The following KIFC3 variants were observed in gnomAD, a reference collection of about 807,000 sequenced individuals.
The protein encoded by KIFC3 is kinesin family member C3, also known as kinesin-like protein KIFC3.
Under a neutral mutation model 101.8 loss-of-function variants are expected in KIFC3, and 60 were observed. The observed-to-expected ratio is 0.59, with a 90% CI of 0.48 to 0.73. The LOEUF (loss-of-function observed/expected upper bound fraction) is 0.73. Among genes scored for constraint, KIFC3 ranks in the 30% least tolerant of loss-of-function variants. The pLI, the probability that KIFC3 is intolerant of heterozygous loss-of-function variation, is 0.00. For synonymous variants in KIFC3, 476 were observed against 482.7 expected, an observed-to-expected ratio of 0.99 and a Z score of 0.18; for missense variants, 966 against 1,137.1, an observed-to-expected ratio of 0.85 and a Z score of 2.16.
intron 1 of KIFC3, among the ~76,000 whole-genome samples, chr16:57,831,531 T>A (rs564046509): frequency 6.6e-6 from 1 of 152,262 alleles, no homozygotes; most frequent in Non-Finnish European, 1.5e-5. Context: ...ACAAAAATAC[T>A]GTTTTTTAAT....
At chr16:57,791,751 G>C (rs1479051284) in intron 3 of KIFC3, among the ~76,000 whole-genome samples, 1 of 152,216 alleles carries the variant, frequency 6.6e-6, no homozygotes. Flanking sequence ...ACTCGAGGCT[G>C]TGGGTTTCTG....
At chr16:57,796,503 A>C (rs1023475170) in intron 2 of KIFC3, among the ~76,000 whole-genome samples, 4 of 152,280 alleles carry the variant, frequency 2.6e-5, no homozygotes, top group Admixed American at 6.5e-5. Flanking sequence ...CTGCCAGCCA[A>C]TTCTCAGGGT....
chr16:57,820,884 G>T (rs62039938), intron 1 of KIFC3, among the ~76,000 whole-genome samples: 19,009 of 152,122 alleles, frequency 0.12, 1,296 homozygotes, highest in South Asian at 0.18. Flanking sequence ...ACTATGGGAG[G>T]CTGAGGCAGC....
chr16:57,780,867 G>T (rs1229103317), intron 3 of KIFC3, among the ~76,000 whole-genome samples: 1 of 151,748 alleles, frequency 6.6e-6, no homozygotes, highest in African/African-American at 2.4e-5. Context: ...TAGAGACGGG[G>T]TTTCACCATG....
chr16:57,810,626 A>G, intron 1 of KIFC3: 1 of 985,230 alleles, frequency 1.0e-6, no homozygotes, highest in Non-Finnish European at 1.2e-6. Flanking sequence ...TCCACCCCAG[A>G]CAACCAGAAT....
intron 1 of KIFC3, among the ~76,000 whole-genome samples, chr16:57,858,694 C>T (rs1653226868): frequency 6.6e-6 from 1 of 152,128 alleles, no homozygotes; most frequent in Non-Finnish European, 1.5e-5. Flanking sequence ...CACCTGTCAT[C>T]CCAGCACTTT....
At chr16:57,827,584 C>T (rs972687653) in intron 1 of KIFC3, among the ~76,000 whole-genome samples, 8 of 152,202 alleles carry the variant, frequency 5.3e-5, no homozygotes, top group African/African-American at 1.2e-4. Context: ...CGACACATCA[C>T]GACCATTTTC....
At chr16:57,781,558 C>T (rs1289820800) in intron 3 of KIFC3, among the ~76,000 whole-genome samples, 1 of 152,156 alleles carries the variant, frequency 6.6e-6, no homozygotes, top group African/African-American at 2.4e-5. Flanking sequence ...TGCTCAAGGA[C>T]TATGGGCCAT....
intron 1 of KIFC3, among the ~76,000 whole-genome samples, chr16:57,814,830 C>T (rs2055183175): frequency 6.6e-6 from 1 of 152,146 alleles, no homozygotes; most frequent in African/African-American, 2.4e-5. Flanking sequence ...CCATGTTGCC[C>T]AGGCTGATCT....
At chr16:57,834,854 A>G (rs1447175169) in intron 1 of KIFC3, among the ~76,000 whole-genome samples, 1 of 152,154 alleles carries the variant, frequency 6.6e-6, no homozygotes, top group East Asian at 1.9e-4. Flanking sequence ...AGTGTTACCT[A>G]TTGGTGTCTC....
chr16:57,761,051 G>A lies in KIFC3; in HGVS notation c.1993C>T (p.Arg665Cys), dbSNP rs782260773. ...VRGVDCSTGL[R>C]TTGKLNLVDL... ...TGCCTGCCACTCTCACCCGTGGTGC[G>A]GAGGCCTGTGCTGCAGTCCACGCCT... The change falls in exon 15 of 20, where the codon CGC (arginine) becomes TGC (cysteine). Residue 665 changes from arginine to cysteine, a missense_variant. This residue lies in a region of KIFC3 where 689 missense variants were observed against 884.6 expected (regional missense o/e 0.78). Transcript: ENST00000445690. The A allele has an allele frequency of 1.7e-5, 27 of 1,609,892 alleles. No individual in the cohort carries two copies. Among genetic ancestry groups the A allele is most frequent in the Admixed American group, 8.3e-5 (5 of 59,890 alleles).
chr16:57,846,508 C>T (rs563044853), intron 1 of KIFC3: 1 of 152,272 alleles, frequency 6.6e-6, no homozygotes, highest in Non-Finnish European at 1.5e-5. Flanking sequence ...AACCCAGCCA[C>T]CTGGGCGGAG....
Position 57,795,243 on chromosome 16 carries a change from C to T in KIFC3, c.173-102G>A, listed in dbSNP as rs577691941. The T allele has an allele frequency of 3.6e-5, 51 of 1,406,058 alleles. No homozygotes were observed. The African/African-American group carries it at 4.0e-4, about 11-fold the overall frequency. 87.1% of individuals were successfully genotyped at this position (1,406,058 alleles called of 1,614,324 possible). On this transcript the variant is annotated intron_variant, in intron 2 of 19. Transcript: ENST00000445690. ...GCCGCAGCTGAGCTCAGCTTTCACA[C>T]ATCCCTGGCTGGTCCAGATGTGGCC...
chr16:57,852,616 C>A (rs1355200789), intron 1 of KIFC3, among the ~76,000 whole-genome samples: 1 of 152,154 alleles, frequency 6.6e-6, no homozygotes, highest in Non-Finnish European at 1.5e-5. Flanking sequence ...CCTTTACAAT[C>A]ATTTCATTTG....
At chr16:57,857,391 CTTTCTT>C (rs1567346733) in intron 1 of KIFC3, among the ~76,000 whole-genome samples, 2 of 81,026 alleles carry the variant, frequency 2.5e-5, no homozygotes, top group African/African-American at 8.1e-5. Context: ...CCCCTAAAAC[CTTTCTT>C]TTTTTTTTTT....
At chr16:57,776,268 G>A (rs147063953) in intron 3 of KIFC3, 198 of 985,484 alleles carry the variant, frequency 2.0e-4, no homozygotes, top group Middle Eastern at 1.0e-3. Flanking sequence ...AGAGGCCAGC[G>A]GGGCGGCCCT....
intron 1 of KIFC3, among the ~76,000 whole-genome samples, chr16:57,825,712 C>T (rs1371706322): frequency 2.0e-5 from 3 of 152,184 alleles, no homozygotes; most frequent in African/African-American, 7.2e-5. Context: ...AGGTCTCACT[C>T]TGTCGCCCAG....
At chr16:57,859,396 C>T (rs1031729871) in intron 1 of KIFC3, among the ~76,000 whole-genome samples, 13 of 152,176 alleles carry the variant, frequency 8.5e-5, no homozygotes, top group Admixed American at 4.6e-4. Flanking sequence ...GATAAGGCTA[C>T]GTTCCTCACC....
rs1053511205 is a variant in KIFC3 at position 57,766,881 on chromosome 16, C to T, written c.1323G>A (p.Arg441=). 4 of 1,608,116 alleles carry T rather than the reference C, an allele frequency of 2.5e-6. No individual in the cohort carries two copies. Among genetic ancestry groups the T allele is most frequent in the Non-Finnish European group, 3.4e-6 (4 of 1,179,270 alleles). ...CAGCCCTCCTGCAGTCACCTTTCAG[C>T]CGCACGAGCTCATTGTGGCACTTCT... ...LRKKCHNELV[R]LKGNIRVIAR... Residue 441 remains arginine (R), a synonymous_variant, in exon 10 of 20, where the codon CGG becomes CGA. Transcript: ENST00000445690.
Sources: gnomAD v4.1 joint callset for allele counts (sites outside exome capture counted in the v4.1 genomes callset) on GRCh38, gnomAD v4.1.1 for gene constraint, gnomAD v4.1.1 regional missense constraint, MANE v1.5 for transcripts, NCBI Gene and HGNC (gene_info 2026-07-23, HGNC 2026-07-21) for gene names.